Variants in FANCA observed in about 807,000 individuals in gnomAD.
The protein encoded by FANCA is FA complementation group A, also known as Fanconi anemia group A protein.
A neutral mutation model predicts 194.3 loss-of-function variants in FANCA; 236 were observed. The ratio of observed to expected loss-of-function variants is 1.21; its 90% confidence interval spans 1.09 to 1.35. The LOEUF (loss-of-function observed/expected upper bound fraction) is 1.35. Ranked by LOEUF, FANCA falls within the 40% of genes most tolerant of loss-of-function variation. The pLI, the probability that FANCA is intolerant of heterozygous loss-of-function variation, is 0.00. For synonymous variants in FANCA, 1,014 were observed against 715.8 expected (o/e 1.42, Z -6.65); for missense variants, 2,628 against 1,813.9 (o/e 1.45, Z -8.15).
chr16:89,765,415 G>A lies in FANCA; in HGVS notation c.2602-349C>T, dbSNP rs1363173508. On this transcript the variant is annotated intron_variant, in intron 27 of 42. Transcript: ENST00000389301. ...GGACCTCAGTCCAGCCCCTGGAAGG[G>A]TGCAGAGCCCCTCAGCGATCATGGC... 1.3e-5 allele frequency among the ~76,000 whole-genome samples: 2 copies of A among 152,186 alleles called. 1 individual carries two copies. Among genetic ancestry groups the A allele is most frequent in the Non-Finnish European group, 2.9e-5 (2 of 68,042 alleles).
At chr16:89,773,484 C>G in intron 21 of FANCA, 100 bp from the exon 22 acceptor site, 2 of 890,174 alleles carry the variant, frequency 2.2e-6, no homozygotes, top group Non-Finnish European at 3.6e-6. Context: ...CTGTGAACTT[C>G]CAAGCTGCTG....
chr16:89,806,351 T>TTTTC (rs2040644855), intron 6 of FANCA, among the ~76,000 whole-genome samples: 1 of 148,704 alleles, frequency 6.7e-6, no homozygotes, highest in African/African-American at 2.5e-5. Flanking sequence ...ATCATTCTTT[T>TTTTC]TTTTTTTTTT....
intron 29 of FANCA, 150 bp from the exon 30 acceptor site, chr16:89,758,855 G>T: frequency 8.4e-7 from 1 of 1,186,076 alleles, no homozygotes; most frequent in Non-Finnish European, 1.2e-6. Flanking sequence ...GTAGGGATGA[G>T]ACCTCACTGT....
In FANCA at chr16:89,737,752, C is replaced by G; in HGVS notation, c.*849G>C. The stretch of plus-strand genomic sequence containing the variant: ...TGGTTTCACATTGTCATCGTCGTCC[C>G]CCCGGGAGGTTGGAGCATCAGGGGC... On this transcript the variant is annotated 3_prime_UTR_variant, in exon 43 of 43. Transcript: ENST00000389301. 1.2e-6 allele frequency: 2 copies of G among 1,610,320 alleles called. No homozygotes were observed. Among genetic ancestry groups the G allele is most frequent in the Non-Finnish European group, 8.5e-7 (1 of 1,177,100 alleles).
intron 37 of FANCA, 176 bp from the exon 38 acceptor site, chr16:89,741,042 A>G: frequency 1.5e-6 from 1 of 652,866 alleles, no homozygotes; most frequent in South Asian, 1.8e-5. Flanking sequence ...TTGAGAATTA[A>G]TTACTACTGG....
chr16:89,749,749 C>T lies in FANCA; in HGVS notation c.3220G>A (p.Glu1074Lys). 6.2e-7 allele frequency: 1 copy of T among 1,614,078 alleles called. No homozygotes were observed. Among genetic ancestry groups the T allele is most frequent in the South Asian group, 1.1e-5 (1 of 91,056 alleles). The change falls in exon 32 of 43, where the codon GAG (glutamate) becomes AAG (lysine). Residue 1074 changes from glutamate (E) to lysine (K), a missense_variant. Physicochemically the swap from Glu to Lys is moderately conservative, Grantham distance 56 (BLOSUM62 1). Transcript: ENST00000389301. ...TGTTACCGTTTGTACATTAGCAGCT[C>T]CCTCTGTCTCTGAAGGCTGGCAGCC... ...SVAASLQRQR[E>K]LLMYKRILLR... is the part of the protein sequence containing the mutation.
intron 12 of FANCA, 49 bp downstream of exon 12, chr16:89,792,422 A>AT: frequency 2.5e-6 from 4 of 1,572,658 alleles, no homozygotes; most frequent in Non-Finnish European, 3.5e-6. Context: ...GCAGATCTTA[A>AT]TCCCCCCGCC....
intron 29 of FANCA, among the ~76,000 whole-genome samples, chr16:89,760,656 A>G (rs1351636098): frequency 6.6e-6 from 1 of 152,038 alleles, no homozygotes; most frequent in African/African-American, 2.4e-5. Flanking sequence ...TGGCCTCTCA[A>G]ATAGTCTCAA....
Position 89,810,882 on chromosome 16 carries a change from T to C in FANCA, c.426+47A>G, listed in dbSNP as rs200718696. 12 of 1,614,098 alleles carry C rather than the reference T, an allele frequency of 7.4e-6. No individual in the cohort carries two copies. In the African/African-American group the frequency reaches 1.3e-4, roughly 18 times the overall value. ...GCTATGTCCTATTTTCCCAACCAGCTTAAAAGTAACAACGGGCAGGTTTCC... is the reference window on the plus strand; with the variant it reads ...GCTATGTCCTATTTTCCCAACCAGCCTAAAAGTAACAACGGGCAGGTTTCC... On this transcript the variant is annotated intron_variant, in intron 4 of 42. Coordinates refer to ENST00000389301, the MANE Select transcript of FANCA (RefSeq NM_000135.4).
chr16:89,742,244 T>C (rs144557636), intron 37 of FANCA, among the ~76,000 whole-genome samples: 1,629 of 151,994 alleles, frequency 0.011, 13 homozygotes, highest in Non-Finnish European at 0.014. Context: ...CCCTAAGTGT[T>C]GGGATTACAG....
chr16:89,804,938 G>A (rs1481329016), intron 7 of FANCA, among the ~76,000 whole-genome samples: 2 of 152,178 alleles, frequency 1.3e-5, no homozygotes, highest in African/African-American at 4.8e-5. Flanking sequence ...TAAGGAGGTT[G>A]AGGCAGAGAA....
chr16:89,746,298 T>C (rs1475450422), intron 35 of FANCA, among the ~76,000 whole-genome samples: 2 of 152,116 alleles, frequency 1.3e-5, no homozygotes, highest in Non-Finnish European at 2.9e-5. Flanking sequence ...CCTGCACCCC[T>C]GTGGACATGA....
chr16:89,764,777 C>T, intron 28 of FANCA, 113 bp downstream of exon 28: 1 of 1,268,016 alleles, frequency 7.9e-7, no homozygotes, highest in Non-Finnish European at 1.2e-6. Flanking sequence ...CGGGACGTGG[C>T]ATGATGCAGG....
chr16:89,794,845 C>T (rs2040190462), intron 11 of FANCA, among the ~76,000 whole-genome samples: 1 of 152,116 alleles, frequency 6.6e-6, no homozygotes, highest in South Asian at 2.1e-4. Flanking sequence ...GATGCCTGGG[C>T]CATCAAACAC....
In FANCA at chr16:89,740,812, T is replaced by C. The variant is rs115431604; in HGVS notation, c.3820A>G (p.Thr1274Ala). The change falls in exon 38 of 43, where the codon ACC (threonine) becomes GCC (alanine). Residue 1274 changes from threonine (T) to alanine (A), a missense_variant. Physicochemically the swap from Thr to Ala is moderately conservative, Grantham distance 58. Coordinates refer to ENST00000389301, the MANE Select transcript of FANCA (RefSeq NM_000135.4). ...GGTAAGGTCTGACTTACATTTGAGG[T>C]CAGATGTGACGACAGCAGGCCCATC... ...SLMGLLSSHL[T>A]SNSTTDLPKA... The C allele has an allele frequency of 6.2e-7, 1 of 1,613,446 alleles. No homozygotes were observed. Among genetic ancestry groups the C allele is most frequent in the African/African-American group, 1.3e-5 (1 of 74,952 alleles).
rs1060501886 is a variant in FANCA at position 89,783,093 on chromosome 16, G to A, written c.1480C>T (p.Leu494Phe). 1.2e-6 allele frequency: 2 copies of A among 1,612,374 alleles called. No individual in the cohort carries two copies. The highest frequency in any genetic ancestry group is 2.2e-5 in the East Asian group (1 of 44,866). ...TTGCCGGGAACCAGGGGTGGGTGGAGAATGTGCACCTGAGGATAGATAGCA... is the reference window on the plus strand; with the variant it reads ...TTGCCGGGAACCAGGGGTGGGTGGAAAATGTGCACCTGAGGATAGATAGCA... ...ESPRYLQVHI[L>F]HPPLVPGKYR... Residue 494 changes from leucine to phenylalanine, a missense_variant, in exon 16 of 43, where the codon CTC (leucine) becomes TTC (phenylalanine). Physicochemically the swap from Leu to Phe is conservative, Grantham distance 22. Transcript: ENST00000389301.
intron 34 of FANCA, 24 bp downstream of exon 34, chr16:89,746,805 CGA>C (rs1359270576): frequency 5.1e-6 from 8 of 1,573,142 alleles, no homozygotes; most frequent in Middle Eastern, 1.7e-4. Context: ...GAGAAGGCCA[CGA>C]GAGGGGCTGA....
Position 89,761,998 on chromosome 16 carries a change from G to A in FANCA, c.2803C>T (p.Leu935=), listed in dbSNP as rs1598096992. 1 of 1,613,982 alleles carries A rather than the reference G, an allele frequency of 6.2e-7. No individual in the cohort carries two copies. Among genetic ancestry groups the A allele is most frequent in the East Asian group, 2.2e-5 (1 of 44,878 alleles). ...GCTTCAGGTTGAATTTCCAGCTCCAGGTGTAACCAGTCTTGGTAAGTTAAC... is the reference window on the plus strand; with the variant it reads ...GCTTCAGGTTGAATTTCCAGCTCCAAGTGTAACCAGTCTTGGTAAGTTAAC... ...VHLTYQDWLH[L]ELEIQPEADA... is the part of the protein sequence containing the mutation. Residue 935 remains leucine (L), a synonymous_variant, in exon 29 of 43, where the codon CTG becomes TTG. Transcript: ENST00000389301.
intron 36 of FANCA, 92 bp from the exon 37 acceptor site, chr16:89,743,030 G>GGGC: frequency 6.8e-7 from 1 of 1,460,902 alleles, no homozygotes; most frequent in Middle Eastern, 2.4e-4. Context: ...GTCACCTTTG[G>GGGC]GGCCTGCCTT....
Sources: gnomAD v4.1 joint callset for allele counts (sites outside exome capture counted in the v4.1 genomes callset) on GRCh38, gnomAD v4.1.1 for gene constraint, MANE v1.5 for transcripts, NCBI Gene and HGNC (gene_info 2026-07-23, HGNC 2026-07-21) for gene names.